The following C12orf42 variants were observed in gnomAD, a reference collection of about 807,000 sequenced individuals.
C12orf42 encodes the protein uncharacterized protein C12orf42.
In C12orf42, 25 loss-of-function variants were observed where a neutral mutation model predicts 21.6. That is an observed-to-expected ratio of 1.16 (90% CI 0.84 to 1.62). The LOEUF is 1.62. C12orf42 is among the 40% of genes most tolerant of loss of function. The pLI, the probability that C12orf42 is intolerant of heterozygous loss-of-function variation, is 0.00. For missense variants in C12orf42, 483 were observed against 459.3 expected (o/e 1.05, Z -0.47); for synonymous variants, 174 against 175.0 (o/e 0.99, Z 0.05).
intron 1 of C12orf42, among the ~76,000 whole-genome samples, chr12:103,495,343 G>C (rs1955453246): frequency 6.6e-6 from 1 of 152,248 alleles, no homozygotes; most frequent in East Asian, 1.9e-4. Flanking sequence ...TCAGTAAAAT[G>C]AGGTGAGCAG....
At chr12:103,513,689 A>C in the C12orf42 span, among the ~76,000 whole-genome samples, 672 of 152,316 alleles carry the variant, frequency 4.4e-3, 3 homozygotes, top group African/African-American at 0.015. Context: ...ATCAGGCCCC[A>C]CTTGAACTAG....
At chr12:103,494,132 T>C (rs1390711550) in intron 1 of C12orf42, among the ~76,000 whole-genome samples, 1 of 152,228 alleles carries the variant, frequency 6.6e-6, no homozygotes. Context: ...CTTAGGGCCA[T>C]GGGTACATGA....
chr12:103,185,718 C>T, the C12orf42 span, among the ~76,000 whole-genome samples: 1 of 152,094 alleles, frequency 6.6e-6, no homozygotes, highest in Non-Finnish European at 1.5e-5. Flanking sequence ...GTGAATAATT[C>T]TCATGAGATC....
At chr12:103,427,271 A>G (rs1949902066) in intron 2 of C12orf42, among the ~76,000 whole-genome samples, 1 of 144,334 alleles carries the variant, frequency 6.9e-6, no homozygotes, top group Admixed American at 7.3e-5. Flanking sequence ...ATATTTACCA[A>G]GCAAATGGAA....
At chr12:103,224,601 G>T in the C12orf42 span, among the ~76,000 whole-genome samples, 1 of 152,204 alleles carries the variant, frequency 6.6e-6, no homozygotes, top group Non-Finnish European at 1.5e-5. Flanking sequence ...GTAATTGTGG[G>T]ACTTAAAGAG....
chr12:103,063,568 C>T, the C12orf42 span, among the ~76,000 whole-genome samples: 1 of 152,260 alleles, frequency 6.6e-6, no homozygotes, highest in East Asian at 1.9e-4. Flanking sequence ...ATCAGCCTTT[C>T]CATCTTTGTA....
the C12orf42 span, among the ~76,000 whole-genome samples, chr12:103,182,875 A>C: frequency 6.6e-6 from 1 of 152,204 alleles, no homozygotes; most frequent in Non-Finnish European, 1.5e-5. Flanking sequence ...ATCTTATTCA[A>C]ATTTTTCATT....
chr12:103,174,637 C>A, the C12orf42 span, among the ~76,000 whole-genome samples: 1 of 151,302 alleles, frequency 6.6e-6, no homozygotes, highest in Non-Finnish European at 1.5e-5. Context: ...TAGTTAACAG[C>A]AATCTTCAAA....
intron 1 of C12orf42, among the ~76,000 whole-genome samples, chr12:103,489,663 G>A (rs1275940446): frequency 1.3e-5 from 2 of 152,148 alleles, no homozygotes; most frequent in African/African-American, 2.4e-5. Context: ...AATGGCAGAC[G>A]CCCCTCCCCC....
At chr12:103,273,418 G>A (rs2035580031) in intron 5 of C12orf42, among the ~76,000 whole-genome samples, 1 of 152,054 alleles carries the variant, frequency 6.6e-6, no homozygotes, top group Admixed American at 6.6e-5. Flanking sequence ...GTTATTTTAA[G>A]AATAAACACA....
intron 4 of C12orf42, among the ~76,000 whole-genome samples, chr12:103,357,676 A>G (rs1211694040): frequency 2.0e-5 from 3 of 152,056 alleles, no homozygotes; most frequent in Admixed American, 2.0e-4. Context: ...GTCTTCACCA[A>G]AAACTCCAAG....
At chr12:103,233,570 TA>T (rs1249516195), downstream of C12orf42, among the ~76,000 whole-genome samples, 1 of 152,190 alleles carries the variant, frequency 6.6e-6, no homozygotes, top group Non-Finnish European at 1.5e-5. Context: ...GTACTTAATT[TA>T]GGGGTAGTGC....
chr12:103,126,711 T>C, the C12orf42 span, among the ~76,000 whole-genome samples: 1 of 150,864 alleles, frequency 6.6e-6, no homozygotes, highest in Admixed American at 6.6e-5. Context: ...TCAAAATGCC[T>C]TAGTTAGATG....
the C12orf42 span, among the ~76,000 whole-genome samples, chr12:103,093,574 G>A: frequency 2.0e-5 from 3 of 152,122 alleles, no homozygotes; most frequent in Non-Finnish European, 4.4e-5. Context: ...GAACAAAGGG[G>A]ATGTGAATAA....
chr12:103,174,306 T>C, the C12orf42 span, among the ~76,000 whole-genome samples: 3 of 152,164 alleles, frequency 2.0e-5, no homozygotes, highest in Admixed American at 6.5e-5. Flanking sequence ...ATATCAGAAG[T>C]AGTGATTTTT....
intron 4 of C12orf42, among the ~76,000 whole-genome samples, chr12:103,307,703 A>T (rs1329896741): frequency 6.6e-6 from 1 of 152,042 alleles, no homozygotes; most frequent in East Asian, 1.9e-4. Flanking sequence ...AGAAAAAGGG[A>T]AGAATAATTC....
chr12:103,177,847 GTGTGTGTGTT>G, the C12orf42 span, among the ~76,000 whole-genome samples: 8 of 137,156 alleles, frequency 5.8e-5, no homozygotes, highest in Admixed American at 6.1e-4. Flanking sequence ...TAATGGCCGT[GTGTGTGTGTT>G]TGTGTGTGTG....
At chr12:103,374,684 C>T (rs1290886407) in intron 3 of C12orf42, among the ~76,000 whole-genome samples, 1 of 152,126 alleles carries the variant, frequency 6.6e-6, no homozygotes, top group Non-Finnish European at 1.5e-5. Flanking sequence ...CACACACACA[C>T]ACAAAATCTC....
intron 2 of C12orf42, among the ~76,000 whole-genome samples, chr12:103,409,530 T>C (rs967916883): frequency 6.6e-6 from 1 of 152,126 alleles, no homozygotes; most frequent in African/African-American, 2.4e-5. Context: ...GAAGGCTCAC[T>C]ATGGCTTTTA....
Sources: allele counts gnomAD v4.1 joint callset (sites outside exome capture counted in the v4.1 genomes callset), GRCh38; gene constraint gnomAD v4.1.1; transcripts MANE v1.5; gene names NCBI Gene and HGNC (gene_info 2026-07-23, HGNC 2026-07-21).